USO1: variants seen among roughly 807,000 people sequenced by gnomAD.
USO1 encodes USO1 vesicle transport factor, also known as general vesicular transport factor p115.
A neutral mutation model predicts 124.5 loss-of-function variants in USO1; 57 were observed. That is an observed-to-expected ratio of 0.46 (90% CI 0.37 to 0.57). The LOEUF is 0.57. Among genes scored for constraint, USO1 ranks in the 20% least tolerant of loss-of-function variants. The pLI is 0.00. For synonymous variants in USO1, 369 were observed against 362.8 expected (o/e 1.02, Z -0.19); for missense variants, 900 against 1,040.6 (o/e 0.86, Z 1.86).
At chr4:75,789,204 A>G (rs1421429703) in intron 10 of USO1, among the ~76,000 whole-genome samples, 1 of 152,122 alleles carries the variant, frequency 6.6e-6, no homozygotes, top group Non-Finnish European at 1.5e-5. Flanking sequence ...GAGCACTTTC[A>G]GCTGGAAATA....
At chr4:75,731,135 C>A (rs1720619205) in intron 1 of USO1, among the ~76,000 whole-genome samples, 2 of 152,168 alleles carry the variant, frequency 1.3e-5, no homozygotes, top group Admixed American at 6.5e-5. Context: ...GATTTGTCTA[C>A]AAAGAGACTT....
intron 4 of USO1, among the ~76,000 whole-genome samples, chr4:75,767,158 A>G (rs1721788396): frequency 6.6e-6 from 1 of 152,120 alleles, no homozygotes; most frequent in African/African-American, 2.4e-5. Context: ...AGAATGCCAC[A>G]GGGCACAGAT....
chr4:75,759,252 T>TTTTTTTTTC (rs1721529626), intron 4 of USO1, among the ~76,000 whole-genome samples: 1 of 140,100 alleles, frequency 7.1e-6, no homozygotes, highest in Admixed American at 7.2e-5. Context: ...GGACCTTTTT[T>TTTTTTTTTC]TTTTTTTTTT....
intron 8 of USO1, among the ~76,000 whole-genome samples, chr4:75,775,481 A>G (rs1722048034): frequency 6.6e-6 from 1 of 152,098 alleles, no homozygotes; most frequent in East Asian, 1.9e-4. Context: ...GGAGATTGCA[A>G]TGAGCTGAGA....
rs564007981 is a variant in USO1, at chr4:75,783,714, G to A, written c.855+856G>A. ...TGCCTGCATAGGACTGATAATTAGG[G>A]TAATCTGTGTCCCAGTTTGCCAGTA... On this transcript the variant is annotated intron_variant, in intron 9 of 23. Transcript: ENST00000514213. Among the ~76,000 whole-genome samples the A allele has an allele frequency of 1.8e-4, 28 of 152,184 alleles. No individual in the cohort carries two copies. The East Asian group carries it at 5.4e-3, about 29-fold the overall frequency.
At chr4:75,761,211 T>C (rs1232912105) in intron 4 of USO1, among the ~76,000 whole-genome samples, 1 of 152,198 alleles carries the variant, frequency 6.6e-6, no homozygotes, top group Non-Finnish European at 1.5e-5. Context: ...TATTCAAAAT[T>C]ACTTGTGTGT....
At chr4:75,753,395 C>T (rs1448749096) in intron 3 of USO1, among the ~76,000 whole-genome samples, 1 of 151,666 alleles carries the variant, frequency 6.6e-6, no homozygotes, top group Non-Finnish European at 1.5e-5. Flanking sequence ...TTAGCCAGGC[C>T]TGGTGGTGCA....
At chr4:75,800,008 A>C (rs911076623) in intron 14 of USO1, among the ~76,000 whole-genome samples, 1 of 150,504 alleles carries the variant, frequency 6.6e-6, no homozygotes, top group Non-Finnish European at 1.5e-5. Context: ...TAGTGGCGCG[A>C]TCTCGGCTCA....
At chr4:75,760,513 T>C (rs888526238) in intron 4 of USO1, 9 of 391,750 alleles carry the variant, frequency 2.3e-5, no homozygotes, top group African/African-American at 1.9e-4. Flanking sequence ...AAGCTCCTAT[T>C]TTACGTGTAT....
At chr4:75,744,510 C>T (rs1454785729) in intron 1 of USO1, among the ~76,000 whole-genome samples, 1 of 152,186 alleles carries the variant, frequency 6.6e-6, no homozygotes, top group Non-Finnish European at 1.5e-5. Flanking sequence ...ACCTCCGCCT[C>T]TCAGGTTCAA....
At chr4:75,778,260 C>A (rs1722126101) in intron 8 of USO1, among the ~76,000 whole-genome samples, 1 of 152,050 alleles carries the variant, frequency 6.6e-6, no homozygotes, top group Non-Finnish European at 1.5e-5. Context: ...TGGATTAATA[C>A]ATTTTGTACG....
At chr4:75,754,658 G>T (rs150834845) in intron 3 of USO1, among the ~76,000 whole-genome samples, 24 of 152,030 alleles carry the variant, frequency 1.6e-4, no homozygotes, top group African/African-American at 5.3e-4. Context: ...CCATTCAAGC[G>T]AGAAACTGGA....
chr4:75,804,231 A>C lies in USO1; in HGVS notation c.2084A>C (p.Gln695Pro), dbSNP rs1722932406. The change falls in exon 18 of 24, where the codon CAG becomes CCG. Residue 695 changes from glutamine (Q) to proline (P), a missense_variant. By Grantham distance (76) the Gln-to-Pro change is moderately conservative. This residue lies in a region of USO1 where 362 missense variants were observed against 359.0 expected (regional missense o/e 1.01). Transcript: ENST00000514213. ...GTCACACAGCAAGTATCACAGATCC[A>C]GCAGCACAAAGACCAGTATAATCTT... ...TAVTQQVSQI[Q>P]QHKDQYNLLK... The C allele has an allele frequency of 6.2e-7, 1 of 1,613,654 alleles. No homozygotes were observed. The highest frequency in any genetic ancestry group is 1.3e-5 in the African/African-American group (1 of 75,054).
intron 13 of USO1, among the ~76,000 whole-genome samples, chr4:75,794,468 C>T (rs901892859): frequency 6.6e-6 from 1 of 152,206 alleles, no homozygotes; most frequent in African/African-American, 2.4e-5. Flanking sequence ...CTAATGAGAA[C>T]AACAAAGCTT....
intron 12 of USO1, 129 bp downstream of exon 12, chr4:75,790,926 A>G: frequency 1.7e-6 from 2 of 1,170,168 alleles, no homozygotes; most frequent in South Asian, 2.3e-5. Context: ...AAAAAAAACA[A>G]AAACACCTGA....
chr4:75,792,609 A>T (rs1722563329), intron 12 of USO1, among the ~76,000 whole-genome samples: 1 of 152,140 alleles, frequency 6.6e-6, no homozygotes, highest in East Asian at 1.9e-4. Flanking sequence ...AGGTGCGAGA[A>T]TCACCTGAGC....
chr4:75,787,098 G>A lies in USO1; in HGVS notation c.892G>A (p.Gly298Ser). ...ATTGGTATCTCCCACCAACCCTCCT[G>A]GTGCTACCAGTAGCTGCCAGAAGGC... ...RVLVSPTNPP[G>S]ATSSCQKAMF... Residue 298 changes from glycine to serine, a missense_variant, in exon 10 of 24, where the codon GGT becomes AGT. Coordinates refer to ENST00000514213, the MANE Select transcript of USO1 (RefSeq NM_003715.4). 6.2e-7 allele frequency: 1 copy of A among 1,606,204 alleles called. No individual in the cohort carries two copies. Among genetic ancestry groups the A allele is most frequent in the Non-Finnish European group, 8.5e-7 (1 of 1,176,894 alleles).
chr4:75,746,056 G>A (rs1369873286), intron 1 of USO1, among the ~76,000 whole-genome samples: 1 of 152,166 alleles, frequency 6.6e-6, no homozygotes, highest in Non-Finnish European at 1.5e-5. Context: ...CCTACGGTAT[G>A]TAGTTCTGTT....
At chr4:75,801,649 G>A (rs1722854232) in intron 17 of USO1, among the ~76,000 whole-genome samples, 1 of 152,154 alleles carries the variant, frequency 6.6e-6, no homozygotes, top group Non-Finnish European at 1.5e-5. Flanking sequence ...AAATACAATA[G>A]TGGCAGACCC....
Sources: gnomAD v4.1 joint callset for allele counts (sites outside exome capture counted in the v4.1 genomes callset) on GRCh38, gnomAD v4.1.1 for gene constraint, gnomAD v4.1.1 regional missense constraint, MANE v1.5 for transcripts, NCBI Gene and HGNC (gene_info 2026-07-23, HGNC 2026-07-21) for gene names.